The following DMD variants were observed in gnomAD, a reference collection of about 807,000 sequenced individuals.
The protein encoded by DMD is dystrophin.
A neutral mutation model predicts 330.1 loss-of-function variants in DMD; 63 were observed. The observed-to-expected ratio is 0.19, with a 90% confidence interval of 0.16 to 0.24. The LOEUF is 0.24. Ranked by LOEUF, DMD falls within the 10% of genes least tolerant of loss-of-function variation. The pLI, the probability that DMD is intolerant of heterozygous loss-of-function variation, is 1.00. For missense variants in DMD, 3,344 were observed against 2,684.1 expected (o/e 1.25, Z -5.43); for synonymous variants, 1,223 against 959.8 (o/e 1.27, Z -5.07).
chrX:31,776,674 A>C (rs2090685370), intron 50 of DMD, among the ~76,000 whole-genome samples: 1 of 109,590 alleles, frequency 9.1e-6, no homozygotes, highest in South Asian at 4.0e-4. Flanking sequence ...GGAAGGCAGG[A>C]AGGAAGGAAG....
intron 13 of DMD, among the ~76,000 whole-genome samples, chrX:32,589,620 G>C (rs2054668966): frequency 9.0e-6 from 1 of 110,952 alleles, no homozygotes; most frequent in Non-Finnish European, 1.9e-5. Flanking sequence ...CTATAGATGG[G>C]AAGTCAGACC....
intron 59 of DMD, among the ~76,000 whole-genome samples, chrX:31,467,884 T>A (rs2066975074): frequency 8.9e-6 from 1 of 111,807 alleles, no homozygotes; most frequent in Non-Finnish European, 1.9e-5. Flanking sequence ...TCTTCCTGGT[T>A]TAGTCTTGGG....
upstream of DMD, among the ~76,000 whole-genome samples, chrX:33,214,971 C>A (rs1205968578): frequency 8.9e-6 from 1 of 112,314 alleles, no homozygotes; most frequent in East Asian, 2.8e-4. Context: ...AAAAGAAGCA[C>A]ATTTAAAAAT....
intron 1 of DMD, among the ~76,000 whole-genome samples, chrX:33,222,129 T>C (rs1362957236): frequency 4.5e-5 from 5 of 111,625 alleles, no homozygotes; most frequent in African/African-American, 1.6e-4. Flanking sequence ...AAATCCATAT[T>C]CCTTACAAAT....
intron 43 of DMD, among the ~76,000 whole-genome samples, chrX:32,235,436 C>G (rs1423404130): frequency 2.7e-5 from 3 of 111,436 alleles, no homozygotes; most frequent in Non-Finnish European, 3.8e-5. Context: ...TCACCTACTG[C>G]TTTGCGAATC....
At chrX:32,209,017 GTATT>G (rs956425586) in intron 44 of DMD, among the ~76,000 whole-genome samples, 1 of 111,770 alleles carries the variant, frequency 8.9e-6, no homozygotes, top group Non-Finnish European at 1.9e-5. Flanking sequence ...ATTTATTTAT[GTATT>G]TATTCGTTCT....
At chrX:31,289,001 T>C (rs1017704465) in intron 62 of DMD, among the ~76,000 whole-genome samples, 2 of 110,217 alleles carry the variant, frequency 1.8e-5, no homozygotes, top group African/African-American at 6.6e-5. Flanking sequence ...AATTTTAGTC[T>C]AGGTGTGGCG....
chrX:32,817,306 T>C (rs748037930), intron 5 of DMD, among the ~76,000 whole-genome samples: 1 of 111,939 alleles, frequency 8.9e-6, no homozygotes, highest in Non-Finnish European at 1.9e-5. Flanking sequence ...GAAATATTTA[T>C]CCCTAAGAGG....
At chrX:32,474,520 A>G (rs1309228671) in intron 21 of DMD, among the ~76,000 whole-genome samples, 1 of 111,513 alleles carries the variant, frequency 9.0e-6, no homozygotes, top group East Asian at 2.8e-4. Flanking sequence ...CCACGCAAAC[A>G]TGTACTTTTT....
chrX:32,215,199 C>A (rs1336507320), intron 44 of DMD, among the ~76,000 whole-genome samples: 2 of 111,195 alleles, frequency 1.8e-5, no homozygotes, highest in Non-Finnish European at 3.8e-5. Flanking sequence ...AAAAGAGAGA[C>A]CAAACAGACA....
chrX:31,797,253 G>T (rs1191543524), intron 50 of DMD, among the ~76,000 whole-genome samples: 1 of 111,640 alleles, frequency 9.0e-6, no homozygotes, highest in Non-Finnish European at 1.9e-5. Flanking sequence ...TAACACTGAA[G>T]AGGGCTAACA....
At chrX:33,329,111 T>C (rs963549012) in intron 1 of DMD, among the ~76,000 whole-genome samples, 1 of 111,723 alleles carries the variant, frequency 9.0e-6, no homozygotes, top group Admixed American at 9.5e-5. Context: ...AAATTACTAA[T>C]GAAAGTTGGG....
intron 61 of DMD, among the ~76,000 whole-genome samples, chrX:31,330,074 G>A (rs1451669930): frequency 9.2e-6 from 1 of 108,400 alleles, no homozygotes; most frequent in Non-Finnish European, 1.9e-5. Flanking sequence ...ACTTTTGTAG[G>A]TAATGAATAT....
At chrX:31,690,556 G>A (rs1354270526) in intron 52 of DMD, among the ~76,000 whole-genome samples, 3 of 112,138 alleles carry the variant, frequency 2.7e-5, no homozygotes, top group South Asian at 3.7e-4. Flanking sequence ...GGAAGTCAGT[G>A]TGGCGATTCC....
In DMD at chrX:32,393,522, A is replaced by G. The variant is rs745335647; in HGVS notation, c.4234-3341T>C. 2.7e-5 allele frequency among the ~76,000 whole-genome samples: 3 copies of G among 112,015 alleles called. No homozygotes were observed. The South Asian group carries it at 1.1e-3, about 41-fold the overall frequency. ...TTTGATCCGATAACTAAGGAAATTC[A>G]TAGGGAGGAAATGCGACTGTAAATC... On this transcript the variant is annotated intron_variant, in intron 30 of 78. Coordinates refer to ENST00000357033, the MANE Select transcript of DMD (RefSeq NM_004006.3).
chrX:32,994,773 T>C (rs1046969462), intron 2 of DMD, among the ~76,000 whole-genome samples: 5 of 112,060 alleles, frequency 4.5e-5, no homozygotes, highest in East Asian at 2.8e-4. Context: ...TATTCATAGA[T>C]TAAAATATCA....
intron 25 of DMD, among the ~76,000 whole-genome samples, chrX:32,459,789 T>C (rs1192286530): frequency 9.0e-6 from 1 of 111,200 alleles, no homozygotes; most frequent in Non-Finnish European, 1.9e-5. Flanking sequence ...TTAAAAAGAA[T>C]AAAGGAATGT....
intron 50 of DMD, among the ~76,000 whole-genome samples, chrX:31,813,642 C>T (rs1018019638): frequency 8.9e-6 from 1 of 112,033 alleles, no homozygotes; most frequent in Non-Finnish European, 1.9e-5. Context: ...TTCTTCATAG[C>T]AGTATGAAAA....
At chrX:33,208,971 C>G (rs930967240) in intron 1 of DMD, among the ~76,000 whole-genome samples, 3 of 110,906 alleles carry the variant, frequency 2.7e-5, no homozygotes, top group Non-Finnish European at 5.7e-5. Context: ...TGGTTAAAAA[C>G]TTGACAATTT....
Sources: gnomAD v4.1 joint callset for allele counts (sites outside exome capture counted in the v4.1 genomes callset) on GRCh38, gnomAD v4.1.1 for gene constraint, MANE v1.5 for transcripts, NCBI Gene and HGNC (gene_info 2026-07-23, HGNC 2026-07-21) for gene names.